The following SNX1 variants were observed in gnomAD, a reference collection of about 807,000 sequenced individuals.
SNX1 encodes the protein sorting nexin 1.
In SNX1, 36 loss-of-function variants were observed where a neutral mutation model predicts 71.8. The ratio of observed to expected loss-of-function variants is 0.50; its 90% CI spans 0.38 to 0.66. The LOEUF (loss-of-function observed/expected upper bound fraction) is 0.66. SNX1 is among the 30% of genes least tolerant of loss of function. SNX1 has a pLI of 0.00. For synonymous variants in SNX1, 254 were observed against 240.7 expected (o/e 1.06, Z -0.51); for missense variants, 612 against 646.7 (o/e 0.95, Z 0.58).
In SNX1 at chr15:64,139,999, T is replaced by C. The variant is rs2081397609; in HGVS notation, c.*2381T>C. ...CGTCGTAATCAGCATATAATGTCAG[T>C]TGGTCCCATTAATGTTGTTAACTCT... On this transcript the variant is annotated 3_prime_UTR_variant, in exon 15 of 15. Transcript: ENST00000559844. The C allele has an allele frequency of 6.6e-6, 1 of 152,180 alleles. No individual in the cohort carries two copies. The highest frequency in any genetic ancestry group is 2.4e-5 in the African/African-American group (1 of 41,450). 9.4% of individuals were successfully genotyped at this position (152,180 alleles called of 1,614,324 possible).
intron 12 of SNX1, among the ~76,000 whole-genome samples, chr15:64,135,998 C>T (rs953551951): frequency 2.6e-5 from 4 of 152,154 alleles, no homozygotes; most frequent in Admixed American, 6.5e-5. Context: ...TATGCCTTCT[C>T]GTGAGAACTA....
intron 4 of SNX1, among the ~76,000 whole-genome samples, chr15:64,122,824 C>T (rs182858387): frequency 9.9e-5 from 15 of 152,246 alleles, no homozygotes; most frequent in African/African-American, 3.4e-4. Flanking sequence ...GACATCACCA[C>T]AGAGAAAAAC....
rs1265948610 is a variant in SNX1, at chr15:64,109,593, G to A, written c.160-2980G>A. ...GGCTCGATAGCTCACTGCAACCTCT[G>A]CCTCCTGGGTTCAAGCAGTTCTCCC... On this transcript the variant is annotated intron_variant, in intron 1 of 14. Coordinates refer to ENST00000559844, the MANE Select transcript of SNX1 (RefSeq NM_003099.5). Among the ~76,000 whole-genome samples the A allele has an allele frequency of 3.3e-5, 5 of 151,876 alleles. No homozygotes were observed. In the East Asian group the frequency reaches 7.8e-4, roughly 24 times the overall value.
intron 1 of SNX1, among the ~76,000 whole-genome samples, chr15:64,106,704 G>C (rs1249893755): frequency 3.9e-5 from 6 of 152,188 alleles, no homozygotes; most frequent in Non-Finnish European, 8.8e-5. Flanking sequence ...AAGACGATAT[G>C]GAAGAGACGC....
At position 64,142,916 on chromosome 15, in the gene SNX1, G is replaced by T. The variant is rs2081429358; in HGVS notation, c.*5298G>T. 7.3e-6 allele frequency: 2 copies of T among 273,910 alleles called. No homozygotes were observed. The highest frequency in any genetic ancestry group is 1.5e-5 in the Non-Finnish European group (2 of 137,226). The allele number at this position is 273,910 out of a possible 1,614,324, so 17.0% of individuals were successfully genotyped here. On this transcript the variant is annotated 3_prime_UTR_variant, in exon 15 of 15. Transcript: ENST00000559844. Reference sequence around the variant, plus strand: ...CTAGGAACCCTAAAAAGTCTTTGAAGCAACTCAAGTTTTAAAAAAGGGGAG... The same window carrying T: ...CTAGGAACCCTAAAAAGTCTTTGAATCAACTCAAGTTTTAAAAAAGGGGAG...
rs996105882 is a variant in SNX1 at position 64,140,734 on chromosome 15, C to G, written c.*3116C>G. 2 of 152,132 alleles carry G rather than the reference C, an allele frequency of 1.3e-5. No individual in the cohort carries two copies. The highest frequency in any genetic ancestry group is 2.9e-5 in the Non-Finnish European group (2 of 68,052). 9.4% of individuals were successfully genotyped at this position (152,132 alleles called of 1,614,324 possible). A position where few individuals can be genotyped will look rare whatever the true frequency, so the allele number is the denominator to read the frequency against. On this transcript the variant is annotated 3_prime_UTR_variant, in exon 15 of 15. Coordinates refer to ENST00000559844, the MANE Select transcript of SNX1 (RefSeq NM_003099.5). The stretch of plus-strand genomic sequence containing the variant: ...AAGTAGCTGGGATTACAGGTGCCTG[C>G]CCCCACACCCAGCTAATTTTTGCAT...
rs751443483 is a variant in SNX1, at chr15:64,134,908, C to T, written c.1365+101C>T. 282 of 1,465,324 alleles carry T rather than the reference C, an allele frequency of 1.9e-4. No homozygotes were observed. Among genetic ancestry groups the T allele is most frequent in the Non-Finnish European group, 2.3e-4 (253 of 1,085,732 alleles). The allele number at this position is 1,465,324 out of a possible 1,614,324, so 90.8% of individuals were successfully genotyped here. A position where few individuals can be genotyped will look rare whatever the true frequency, so the allele number is the denominator to read the frequency against. On this transcript the variant is annotated intron_variant, in intron 12 of 14. Transcript: ENST00000559844. The surrounding 1 kb of genome is among the most constrained non-coding windows in gnomAD (Gnocchi z 4.1). Reference sequence around the variant, plus strand: ...GTTTGGAACCCCACAGGGGGAAGAGCGCTGATTGAGTCTAAAGGGCCGTGG... The same window carrying T: ...GTTTGGAACCCCACAGGGGGAAGAGTGCTGATTGAGTCTAAAGGGCCGTGG...
At chr15:64,131,023 G>A (rs1305737870) in intron 10 of SNX1, among the ~76,000 whole-genome samples, 1 of 152,180 alleles carries the variant, frequency 6.6e-6, no homozygotes, top group African/African-American at 2.4e-5. Context: ...GGTGGCTCAC[G>A]CCTGTAATCC....
chr15:64,127,117 A>T, intron 6 of SNX1, 57 bp from the exon 7 acceptor site: 3 of 1,352,428 alleles, frequency 2.2e-6, no homozygotes, highest in Non-Finnish European at 2.1e-6. Flanking sequence ...AAAAAAAAAA[A>T]GATTTATCCT....
rs1010670996 is a variant in SNX1 at position 64,129,099 on chromosome 15, T to C, written c.808-817T>C. 8.6e-5 allele frequency among the ~76,000 whole-genome samples: 13 copies of C among 151,800 alleles called. No homozygotes were observed. The highest frequency in any genetic ancestry group is 3.1e-4 in the African/African-American group (13 of 41,294). Reference sequence around the variant, plus strand: ...CTGTCTCTACTAAAAATACAAAAATTAGCGGGTCGTGGTGGCGGGCACCTA... The same window carrying C: ...CTGTCTCTACTAAAAATACAAAAATCAGCGGGTCGTGGTGGCGGGCACCTA... On this transcript the variant is annotated intron_variant, in intron 8 of 14. Coordinates refer to ENST00000559844, the MANE Select transcript of SNX1 (RefSeq NM_003099.5). This position sits in a 1 kb window ranked among gnomAD's most constrained non-coding sequence, Gnocchi z 4.4.
chr15:64,108,060 G>T (rs149684193), intron 1 of SNX1, among the ~76,000 whole-genome samples: 4,675 of 152,044 alleles, frequency 0.031, 239 homozygotes, highest in African/African-American at 0.11. Context: ...CGGCGTAGTG[G>T]TGGGCGCCTG....
intron 1 of SNX1, among the ~76,000 whole-genome samples, chr15:64,102,231 C>T (rs2080969530): frequency 6.6e-6 from 1 of 152,084 alleles, no homozygotes; most frequent in Admixed American, 6.5e-5. Context: ...CTGGAGTGGA[C>T]TCAACGTGGT....
chr15:64,108,925 T>G (rs2081050325), intron 1 of SNX1, among the ~76,000 whole-genome samples: 1 of 151,264 alleles, frequency 6.6e-6, no homozygotes, highest in Non-Finnish European at 1.5e-5. Flanking sequence ...GAGGTAGAGG[T>G]TGCAGTGAGC....
chr15:64,101,629 G>C (rs1314144483), intron 1 of SNX1, among the ~76,000 whole-genome samples: 1 of 152,164 alleles, frequency 6.6e-6, no homozygotes, highest in African/African-American at 2.4e-5. Flanking sequence ...TCCAGAAGTA[G>C]GATTCCTGGA....
At position 64,114,593 on chromosome 15, in the gene SNX1, C is replaced by T. The variant is rs540500765; in HGVS notation, c.271+1909C>T. 9.9e-5 allele frequency among the ~76,000 whole-genome samples: 15 copies of T among 152,230 alleles called. 1 individual carries two copies. Among genetic ancestry groups the T allele is most frequent in the African/African-American group, 3.1e-4 (13 of 41,544 alleles). ...AGCTGGACATATGGGAATCATCTTT[C>T]TAGAGGTGGTAGTTGAAACTTCCAT... is the stretch of plus-strand genomic sequence containing the variant. On this transcript the variant is annotated intron_variant, in intron 2 of 14. Coordinates refer to ENST00000559844, the MANE Select transcript of SNX1 (RefSeq NM_003099.5).
At chr15:64,125,079 A>C (rs943830681) in intron 5 of SNX1, among the ~76,000 whole-genome samples, 1 of 151,960 alleles carries the variant, frequency 6.6e-6, no homozygotes, top group African/African-American at 2.4e-5. Context: ...TCCAATTCCC[A>C]CCCTGCTCAT....
intron 1 of SNX1, among the ~76,000 whole-genome samples, chr15:64,107,561 T>G (rs1400455495): frequency 6.6e-6 from 1 of 152,216 alleles, no homozygotes; most frequent in East Asian, 1.9e-4. Flanking sequence ...GCTCTCTCTT[T>G]CTGGCACACC....
At chr15:64,124,861 A>G (rs531387576) in intron 5 of SNX1, among the ~76,000 whole-genome samples, 1 of 152,178 alleles carries the variant, frequency 6.6e-6, no homozygotes, top group Non-Finnish European at 1.5e-5. Flanking sequence ...GTTCCCATTG[A>G]TTCACTTCCT....
At chr15:64,106,626 T>A (rs1701777115) in intron 1 of SNX1, among the ~76,000 whole-genome samples, 1 of 152,202 alleles carries the variant, frequency 6.6e-6, no homozygotes, top group Admixed American at 6.5e-5. Context: ...GATATGGAAG[T>A]TATCCTGGAT....
Sources: allele counts gnomAD v4.1 joint callset (sites outside exome capture counted in the v4.1 genomes callset), GRCh38; gene constraint gnomAD v4.1.1; non-coding constraint Gnocchi (gnomAD v3.1); transcripts MANE v1.5; gene names NCBI Gene and HGNC (gene_info 2026-07-23, HGNC 2026-07-21).